The following ELP3 variants were observed in gnomAD, a reference collection of about 807,000 sequenced individuals.
The protein encoded by ELP3 is elongator complex protein 3.
Under a neutral mutation model 74.9 loss-of-function variants are expected in ELP3, and 56 were observed. The ratio of observed to expected loss-of-function variants is 0.75; its 90% CI spans 0.60 to 0.93. ELP3 has a LOEUF of 0.93. Ranked by LOEUF, ELP3 falls within the 40% of genes least tolerant of loss-of-function variation. The probability of loss-of-function intolerance (pLI) is 0.00; values close to 1 mark genes in which losing one functional copy is unlikely to be tolerated. For missense variants in ELP3, 573 were observed against 686.5 expected, an observed-to-expected ratio of 0.83 and a Z score of 1.85; for synonymous variants, 222 against 239.8, an observed-to-expected ratio of 0.93 and a Z score of 0.68.
chr8:28,177,083 T>C (rs146166848), intron 14 of ELP3, among the ~76,000 whole-genome samples: 15 of 152,360 alleles, frequency 9.8e-5, no homozygotes, highest in Middle Eastern at 3.4e-3. Flanking sequence ...TTTCAAAATG[T>C]GTAGAAGAAC....
At chr8:28,134,367 A>G (rs1371345237) in intron 9 of ELP3, among the ~76,000 whole-genome samples, 1 of 152,192 alleles carries the variant, frequency 6.6e-6, no homozygotes, top group Admixed American at 6.5e-5. Flanking sequence ...CCTTTCTTGT[A>G]AACAGATTTA....
At chr8:28,091,890 G>A (rs2130323232), upstream of ELP3, among the ~76,000 whole-genome samples, 2 of 152,336 alleles carry the variant, frequency 1.3e-5, 1 homozygote, top group South Asian at 4.1e-4. Flanking sequence ...GAAGGGGAAA[G>A]AGGAACAACT....
At chr8:28,171,593 T>G (rs1485849736) in intron 14 of ELP3, among the ~76,000 whole-genome samples, 1 of 152,190 alleles carries the variant, frequency 6.6e-6, no homozygotes, top group African/African-American at 2.4e-5. Context: ...AAATGTTTTC[T>G]TCCATTCTGT....
chr8:28,134,116 C>A (rs1812888863), intron 9 of ELP3, among the ~76,000 whole-genome samples: 1 of 152,168 alleles, frequency 6.6e-6, no homozygotes, highest in Non-Finnish European at 1.5e-5. Context: ...CCCCCCACCC[C>A]ACGACAGGCC....
chr8:28,106,498 C>T (rs1387375610), intron 3 of ELP3, among the ~76,000 whole-genome samples: 2 of 147,768 alleles, frequency 1.4e-5, no homozygotes, highest in Non-Finnish European at 3.0e-5. Context: ...CGAGATCCCG[C>T]CACTGCACTC....
intron 7 of ELP3, among the ~76,000 whole-genome samples, chr8:28,120,452 C>A (rs1157159436): frequency 1.3e-5 from 2 of 152,158 alleles, no homozygotes; most frequent in Non-Finnish European, 2.9e-5. Context: ...GCTGCCAGTC[C>A]TTTGTCAGCT....
chr8:28,162,147 T>G lies in ELP3; in HGVS notation c.1567+69T>G, dbSNP rs1196041861. The G allele has an allele frequency of 4.0e-6, 6 of 1,495,470 alleles. No homozygotes were observed. In the South Asian group the frequency reaches 6.8e-5, roughly 17 times the overall value. 92.6% of individuals were successfully genotyped at this position (1,495,470 alleles called of 1,614,324 possible). A position where few individuals can be genotyped will look rare whatever the true frequency, so the allele number is the denominator to read the frequency against. Reference sequence around the variant, plus strand: ...ACTTGGCACCACAGTGAAAACTATGTTGGTACCCTCTTGCCCCTGTTGATG... The same window carrying G: ...ACTTGGCACCACAGTGAAAACTATGGTGGTACCCTCTTGCCCCTGTTGATG... On this transcript the variant is annotated intron_variant, in intron 14 of 14. Transcript: ENST00000256398.
rs1814221071 is a variant in ELP3, at chr8:28,164,302, A to G, written c.1567+2224A>G. On this transcript the variant is annotated intron_variant, in intron 14 of 14. Coordinates refer to ENST00000256398, the MANE Select transcript of ELP3 (RefSeq NM_018091.6). ...TCAGCATCTGCCCTCTTTCTGCCAT[A>G]TCTATCTCCCTAGCTTTTTATCATA... 2.0e-5 allele frequency among the ~76,000 whole-genome samples: 3 copies of G among 152,138 alleles called. No individual in the cohort carries two copies. In the South Asian group the frequency reaches 6.2e-4, roughly 31 times the overall value.
intron 14 of ELP3, among the ~76,000 whole-genome samples, chr8:28,167,527 C>G (rs895481253): frequency 6.6e-6 from 1 of 152,172 alleles, no homozygotes; most frequent in Middle Eastern, 3.2e-3. Flanking sequence ...TTCATAACTA[C>G]GTTTGTCTGA....
intron 7 of ELP3, among the ~76,000 whole-genome samples, chr8:28,117,403 C>T (rs1376075739): frequency 1.3e-5 from 2 of 152,052 alleles, no homozygotes; most frequent in East Asian, 1.9e-4. Context: ...TCTAGTCCAG[C>T]GAGCTCAGTG....
At chr8:28,180,336 A>G (rs1003631090) in intron 14 of ELP3, among the ~76,000 whole-genome samples, 5 of 152,170 alleles carry the variant, frequency 3.3e-5, no homozygotes, top group African/African-American at 1.2e-4. Flanking sequence ...TTTGTTGTCC[A>G]TAATTTCTTC....
intron 14 of ELP3, among the ~76,000 whole-genome samples, chr8:28,187,695 A>T (rs891608937): frequency 6.6e-6 from 1 of 152,172 alleles, no homozygotes; most frequent in Non-Finnish European, 1.5e-5. Context: ...AAAGATGGGA[A>T]TGAGTTGCCC....
chr8:28,092,565 G>A (rs1243419757), upstream of ELP3, among the ~76,000 whole-genome samples: 1 of 152,140 alleles, frequency 6.6e-6, no homozygotes, highest in African/African-American at 2.4e-5. Context: ...CTTTGGCAGA[G>A]TTTAGGGTCC....
rs1216710790 is a variant in ELP3 at position 28,113,126 on chromosome 8, T to C, written c.570T>C (p.His190=). 2 of 1,614,014 alleles carry C rather than the reference T, an allele frequency of 1.2e-6. No individual in the cohort carries two copies. Among genetic ancestry groups the C allele is most frequent in the South Asian group, 1.1e-5 (1 of 91,062 alleles). ...EYRDYFIRNL[H]DALSGHTSNN... ...GAGATTATTTTATTCGAAATTTACA[T>C]GATGCCTTATCAGGACATACTTCCA... The change falls in exon 7 of 15, where the codon CAT becomes CAC. Residue 190 remains histidine, a synonymous_variant. Coordinates refer to ENST00000256398, the MANE Select transcript of ELP3 (RefSeq NM_018091.6).
At chr8:28,097,370 T>C (rs760796319) in intron 2 of ELP3, 52 bp downstream of exon 2, 1 of 1,244,736 alleles carries the variant, frequency 8.0e-7, no homozygotes, top group Non-Finnish European at 1.2e-6. Context: ...CAGATCTCTT[T>C]TATGAAATTA....
At chr8:28,144,929 C>T (rs1440388453) in intron 10 of ELP3, among the ~76,000 whole-genome samples, 3 of 152,054 alleles carry the variant, frequency 2.0e-5, no homozygotes, top group Non-Finnish European at 4.4e-5. Context: ...ATAATCCCAG[C>T]TACTTGGGAG....
chr8:28,152,124 CCTCT>C (rs1813664032), intron 10 of ELP3, among the ~76,000 whole-genome samples: 2 of 152,306 alleles, frequency 1.3e-5, no homozygotes, highest in Admixed American at 1.3e-4. Flanking sequence ...CCTCTATTTG[CCTCT>C]CTGTCTCTCC....
At chr8:28,164,548 G>A (rs7812704) in intron 14 of ELP3, among the ~76,000 whole-genome samples, 11,901 of 152,116 alleles carry the variant, frequency 0.078, 1,595 homozygotes, top group African/African-American at 0.27. Flanking sequence ...GGAGGATGCC[G>A]TAAGCATTAC....
At position 28,147,408 on chromosome 8, in the gene ELP3, A is replaced by C. The variant is rs768234648; in HGVS notation, c.1101-8534A>C. 6.6e-6 allele frequency among the ~76,000 whole-genome samples: 1 copy of C among 152,172 alleles called. No individual in the cohort carries two copies. Among genetic ancestry groups the C allele is most frequent in the Admixed American group, 6.5e-5 (1 of 15,274 alleles). On this transcript the variant is annotated intron_variant, in intron 10 of 14. Transcript: ENST00000256398. This position sits in a 1 kb window ranked among gnomAD's most constrained non-coding sequence, Gnocchi z 4.5. Reference sequence around the variant, plus strand: ...AGTTGTTGGGAGATTAGTTACATTGAGCAAAGAAGTTATTTGATTTAGCAA... The same window carrying C: ...AGTTGTTGGGAGATTAGTTACATTGCGCAAAGAAGTTATTTGATTTAGCAA...
Sources: gnomAD v4.1 joint callset for allele counts (sites outside exome capture counted in the v4.1 genomes callset) on GRCh38, gnomAD v4.1.1 for gene constraint, Gnocchi (gnomAD v3.1) non-coding constraint, MANE v1.5 for transcripts, NCBI Gene and HGNC (gene_info 2026-07-23, HGNC 2026-07-21) for gene names.